COL15A1: variants seen among roughly 807,000 people sequenced by gnomAD.
COL15A1 encodes collagen alpha-1(XV) chain.
A neutral mutation model predicts 165.9 loss-of-function variants in COL15A1; 111 were observed. That is an observed-to-expected ratio of 0.67 (90% confidence interval 0.57 to 0.78). The LOEUF (loss-of-function observed/expected upper bound fraction) is 0.78. Among genes scored for constraint, COL15A1 ranks in the 30% least tolerant of loss-of-function variants. COL15A1 has a pLI of 0.00. For missense variants in COL15A1, 1,745 were observed against 1,789.7 expected, an observed-to-expected ratio of 0.98 and a Z score of 0.45; for synonymous variants, 659 against 674.8, an observed-to-expected ratio of 0.98 and a Z score of 0.36.
At chr9:98,952,423 T>A (rs1435988769) in intron 2 of COL15A1, among the ~76,000 whole-genome samples, 1 of 152,238 alleles carries the variant, frequency 6.6e-6, no homozygotes, top group Non-Finnish European at 1.5e-5. Context: ...TCTCTACTCA[T>A]CTTATTCCTG....
intron 26 of COL15A1, among the ~76,000 whole-genome samples, chr9:99,046,189 G>A (rs1839489017): frequency 6.6e-6 from 1 of 152,236 alleles, no homozygotes; most frequent in Non-Finnish European, 1.5e-5. Context: ...AACACAGGCA[G>A]TAAGTGGCAC....
chr9:99,059,887 A>G lies in COL15A1; in HGVS notation c.3338-2A>G, dbSNP rs1825781493. On this transcript the variant is annotated splice_acceptor_variant, in intron 35 of 41. Coordinates refer to ENST00000375001, the MANE Select transcript of COL15A1 (RefSeq NM_001855.5). LOFTEE classifies it high-confidence loss of function. ...TAACTTCTCTTTTCTGTTTTGTCTT[A>G]GCTGTGGCCCTTCCAGGTCCCCCTG... 1 of 1,613,384 alleles carries G rather than the reference A, an allele frequency of 6.2e-7. No homozygotes were observed. The highest frequency in any genetic ancestry group is 8.5e-7 in the Non-Finnish European group (1 of 1,179,838).
intron 41 of COL15A1, 106 bp downstream of exon 41, chr9:99,068,776 T>C: frequency 1.4e-6 from 1 of 703,268 alleles, no homozygotes; most frequent in Non-Finnish European, 2.3e-6. Flanking sequence ...ATTGCCAACA[T>C]AAAGCCACAG....
At chr9:99,002,996 A>G (rs1838688076) in intron 7 of COL15A1, among the ~76,000 whole-genome samples, 3 of 152,244 alleles carry the variant, frequency 2.0e-5, no homozygotes, top group African/African-American at 7.2e-5. Context: ...GCATTCCCAA[A>G]GGAAACTGAG....
At chr9:98,986,891 G>A (rs796490705) in intron 3 of COL15A1, among the ~76,000 whole-genome samples, 1 of 152,194 alleles carries the variant, frequency 6.6e-6, no homozygotes, top group Admixed American at 6.5e-5. Context: ...TGGAGGCAGG[G>A]AGGCTGTGGT....
At chr9:98,998,650 G>A (rs1838591843) in intron 6 of COL15A1, among the ~76,000 whole-genome samples, 3 of 152,186 alleles carry the variant, frequency 2.0e-5, no homozygotes, top group African/African-American at 4.8e-5. Context: ...CTTCTGAATT[G>A]CGAATGCTTT....
chr9:99,054,656 G>T lies in COL15A1; in HGVS notation c.3031G>T (p.Gly1011Cys). Residue 1011 changes from glycine to cysteine, a missense_variant and splice_region_variant, in exon 32 of 42, where the codon GGT (glycine) becomes TGT (cysteine). Transcript: ENST00000375001. ...KGDQGAQGPP[G>C]PPLDLAYLRH... is the part of the protein sequence containing the mutation. ...CGACCAGGGAGCCCAGGGACCACCAGGTATTCCAGCTCTTGTTCTCAATCT... is the reference window on the plus strand; with the variant it reads ...CGACCAGGGAGCCCAGGGACCACCATGTATTCCAGCTCTTGTTCTCAATCT... 1 of 1,607,890 alleles carries T rather than the reference G, an allele frequency of 6.2e-7. No homozygotes were observed. Among genetic ancestry groups the T allele is most frequent in the Non-Finnish European group, 8.5e-7 (1 of 1,178,338 alleles).
At chr9:98,952,135 A>G (rs1440614917) in intron 2 of COL15A1, among the ~76,000 whole-genome samples, 1 of 152,160 alleles carries the variant, frequency 6.6e-6, no homozygotes, top group Non-Finnish European at 1.5e-5. Flanking sequence ...GGTACTCAGC[A>G]TACTTTTTCA....
At chr9:98,982,424 G>A (rs1838247511) in intron 2 of COL15A1, among the ~76,000 whole-genome samples, 1 of 152,172 alleles carries the variant, frequency 6.6e-6, no homozygotes. Flanking sequence ...TCTCAGTTGG[G>A]AAGACCCATT....
intron 21 of COL15A1, among the ~76,000 whole-genome samples, chr9:99,037,445 A>G (rs2119058246): frequency 6.6e-6 from 1 of 152,340 alleles, no homozygotes. Flanking sequence ...AAGGCCAGGC[A>G]CAGTGGCTCA....
At chr9:99,016,803 G>A (rs1180353033) in intron 11 of COL15A1, among the ~76,000 whole-genome samples, 2 of 152,314 alleles carry the variant, frequency 1.3e-5, no homozygotes, top group Non-Finnish European at 2.9e-5. Flanking sequence ...GATCAGCATT[G>A]GCTCATCAGT....
intron 2 of COL15A1, among the ~76,000 whole-genome samples, chr9:98,969,807 C>A (rs1431101370): frequency 1.3e-5 from 2 of 152,208 alleles, no homozygotes; most frequent in African/African-American, 4.8e-5. Flanking sequence ...CAGATGAGGG[C>A]TTAAAATCTC....
chr9:99,038,695 A>G lies in COL15A1; in HGVS notation c.2437A>G (p.Met813Val), dbSNP rs773183104. 6 of 1,610,870 alleles carry G rather than the reference A, an allele frequency of 3.7e-6. No homozygotes were observed. The highest frequency in any genetic ancestry group is 1.7e-4 in the Middle Eastern group (1 of 6,054). The part of the protein sequence containing the change: ...NSLINITHGF[M>V]NFSDIPELVG... ...CTTGATCAATATCACCCATGGATTC[A>G]TGAATTTCTCGGACATTCCTGAGCT... Residue 813 changes from methionine (M) to valine (V), a missense_variant, in exon 22 of 42, where the codon ATG becomes GTG. By Grantham distance (21) the Met-to-Val change is conservative. Transcript: ENST00000375001.
At chr9:98,956,770 T>C (rs1348931875) in intron 2 of COL15A1, among the ~76,000 whole-genome samples, 2 of 152,218 alleles carry the variant, frequency 1.3e-5, no homozygotes, top group Non-Finnish European at 2.9e-5. Flanking sequence ...AGCATCAGCA[T>C]AACCTGGGAA....
chr9:99,018,715 G>A (rs550685181), intron 11 of COL15A1, among the ~76,000 whole-genome samples: 3 of 152,308 alleles, frequency 2.0e-5, no homozygotes, highest in African/African-American at 7.2e-5. Flanking sequence ...AATATTTAAT[G>A]ATGGGGGAAA....
At position 99,034,699 on chromosome 9, in the gene COL15A1, G is replaced by A. The variant is rs148348462; in HGVS notation, c.2079+115G>A. On this transcript the variant is annotated intron_variant, in intron 17 of 41. Transcript: ENST00000375001. ...GAATATTGAACATATAAATGTCATG[G>A]AACAGAGAGGAACACATCTCAAAGG... The A allele has an allele frequency of 6.3e-6, 9 of 1,438,296 alleles. No individual in the cohort carries two copies. In the African/African-American group the frequency reaches 1.2e-4, roughly 19 times the overall value. 89.1% of individuals were successfully genotyped at this position (1,438,296 alleles called of 1,614,324 possible). A position where few individuals can be genotyped will look rare whatever the true frequency, so the allele number is the denominator to read the frequency against.
chr9:98,986,379 C>G (rs923521913), intron 3 of COL15A1: 11 of 408,828 alleles, frequency 2.7e-5, no homozygotes, highest in African/African-American at 2.0e-5. Flanking sequence ...ATAAGAAAAC[C>G]TACCCCACAG....
At chr9:98,968,805 G>A (rs882221) in intron 2 of COL15A1, among the ~76,000 whole-genome samples, 39,644 of 152,064 alleles carry the variant, frequency 0.26, 5,402 homozygotes, top group Middle Eastern at 0.36. Context: ...GCCTGGGGGC[G>A]GGGGCGGGGA....
At chr9:99,002,900 G>A (rs1838685749) in intron 7 of COL15A1, among the ~76,000 whole-genome samples, 1 of 152,190 alleles carries the variant, frequency 6.6e-6, no homozygotes, top group East Asian at 1.9e-4. Flanking sequence ...AATGAAGATA[G>A]AACATAGTTT....
Sources: gnomAD v4.1 joint callset for allele counts (sites outside exome capture counted in the v4.1 genomes callset) on GRCh38, gnomAD v4.1.1 for gene constraint, MANE v1.5 for transcripts, NCBI Gene and HGNC (gene_info 2026-07-23, HGNC 2026-07-21) for gene names.